Variants in C8orf34 observed in about 807,000 individuals in gnomAD.
C8orf34 encodes chromosome 8 open reading frame 34.
A neutral mutation model predicts 68.3 loss-of-function variants in C8orf34; 65 were observed. The ratio of observed to expected loss-of-function variants is 0.95; its 90% CI spans 0.78 to 1.17. The LOEUF (loss-of-function observed/expected upper bound fraction) is 1.17, where lower values mean the gene tolerates loss of function less well. C8orf34 is among the 50% of genes most tolerant of loss of function. The probability of loss-of-function intolerance (pLI) is 0.00; values close to 1 mark genes in which losing one functional copy is unlikely to be tolerated. For synonymous variants in C8orf34, 244 were observed against 241.2 expected (o/e 1.01, Z -0.11); for missense variants, 664 against 655.4 (o/e 1.01, Z -0.14).
chr8:68,716,781 C>T (rs934491037), intron 9 of C8orf34, among the ~76,000 whole-genome samples: 1 of 151,824 alleles, frequency 6.6e-6, no homozygotes. Context: ...TAGGTAAATG[C>T]CTTAGAGAAA....
intron 1 of C8orf34, among the ~76,000 whole-genome samples, chr8:68,408,435 C>A (rs1279764101): frequency 1.3e-5 from 2 of 152,074 alleles, no homozygotes; most frequent in Non-Finnish European, 2.9e-5. Flanking sequence ...TTGTCTTCTG[C>A]AAAACTGCTC....
intron 1 of C8orf34, among the ~76,000 whole-genome samples, chr8:68,417,576 C>T (rs1204306182): frequency 6.6e-6 from 1 of 151,866 alleles, no homozygotes; most frequent in Non-Finnish European, 1.5e-5. Context: ...AAATAAGAAC[C>T]TATATTATTC....
chr8:68,622,557 T>C (rs1196887024), intron 7 of C8orf34, among the ~76,000 whole-genome samples: 1 of 152,176 alleles, frequency 6.6e-6, no homozygotes, highest in Non-Finnish European at 1.5e-5. Flanking sequence ...GGCAATGAGC[T>C]TGAGACTTTC....
chr8:68,376,443 G>T (rs547818849), intron 1 of C8orf34, among the ~76,000 whole-genome samples: 202 of 152,182 alleles, frequency 1.3e-3, no homozygotes, highest in Non-Finnish European at 2.4e-3. Context: ...AATTGAAATG[G>T]GAATAAGATT....
intron 8 of C8orf34, among the ~76,000 whole-genome samples, chr8:68,665,731 C>T (rs1455841976): frequency 6.6e-6 from 1 of 152,198 alleles, no homozygotes; most frequent in Non-Finnish European, 1.5e-5. Context: ...TCCTTCATTT[C>T]AAGTGTCACC....
intron 8 of C8orf34, among the ~76,000 whole-genome samples, chr8:68,655,724 A>G (rs1262846226): frequency 6.6e-6 from 1 of 152,142 alleles, no homozygotes; most frequent in Non-Finnish European, 1.5e-5. Flanking sequence ...ACGATGGGTT[A>G]ATAGGTATGT....
chr8:68,649,659 TCCTTAA>T (rs1819284516), intron 8 of C8orf34, among the ~76,000 whole-genome samples: 1 of 152,222 alleles, frequency 6.6e-6, no homozygotes, highest in Non-Finnish European at 1.5e-5. Context: ...TGCAAAATTC[TCCTTAA>T]CCTCACTCCT....
At chr8:68,679,096 C>G (rs527458151) in intron 8 of C8orf34, among the ~76,000 whole-genome samples, 2 of 151,512 alleles carry the variant, frequency 1.3e-5, no homozygotes, top group African/African-American at 4.8e-5. Context: ...GTCAGGAGAT[C>G]GAAACACAGT....
intron 12 of C8orf34, among the ~76,000 whole-genome samples, chr8:68,795,092 T>A (rs1433719358): frequency 6.6e-6 from 1 of 152,210 alleles, no homozygotes; most frequent in African/African-American, 2.4e-5. Flanking sequence ...AAATCTGCTG[T>A]TGAGCCCTTC....
chr8:68,762,319 G>A (rs1039246736), intron 10 of C8orf34, among the ~76,000 whole-genome samples: 6 of 151,910 alleles, frequency 3.9e-5, no homozygotes, highest in South Asian at 2.1e-4. Context: ...TAACTAACTG[G>A]CAGTGACCAT....
rs537986598 is a variant in C8orf34, at chr8:68,443,746, A to G, written c.476-2583A>G. Among the ~76,000 whole-genome samples the G allele has an allele frequency of 1.7e-3, 266 of 152,168 alleles. 2 individuals carry two copies. Among genetic ancestry groups the G allele is most frequent in the African/African-American group, 6.1e-3 (255 of 41,530 alleles). ...TTAGCCAGAAAACGTCTCAATATTC[A>G]AAGTACATGGGTATCATACTTTTCA... On this transcript the variant is annotated intron_variant, in intron 2 of 13. Coordinates refer to ENST00000518698, the MANE Select transcript of C8orf34 (RefSeq NM_052958.4).
rs563584028 is a variant in C8orf34, at chr8:68,762,759, C to G, written c.1405-13640C>G. On this transcript the variant is annotated intron_variant, in intron 10 of 13. Coordinates refer to ENST00000518698, the MANE Select transcript of C8orf34 (RefSeq NM_052958.4). ...ATGTGGTTTGGCCTTCTCAGGGTCTCAAAGTAAGCTTTGTTCTGTAAGGCA... is the reference window on the plus strand; with the variant it reads ...ATGTGGTTTGGCCTTCTCAGGGTCTGAAAGTAAGCTTTGTTCTGTAAGGCA... 2.5e-4 allele frequency among the ~76,000 whole-genome samples: 38 copies of G among 152,268 alleles called. No individual in the cohort carries two copies. In the South Asian group the frequency reaches 6.4e-3, roughly 26 times the overall value.
At chr8:68,506,727 G>A (rs1814040252) in intron 5 of C8orf34, among the ~76,000 whole-genome samples, 1 of 152,066 alleles carries the variant, frequency 6.6e-6, no homozygotes, top group Non-Finnish European at 1.5e-5. Flanking sequence ...TGGTATTGAC[G>A]CTTTGTTTTA....
At chr8:68,544,764 C>A (rs1451623754) in intron 7 of C8orf34, among the ~76,000 whole-genome samples, 1 of 151,948 alleles carries the variant, frequency 6.6e-6, no homozygotes, top group Non-Finnish European at 1.5e-5. Context: ...ATTTTAAAAA[C>A]CATTTTGTAA....
chr8:68,620,678 A>C (rs75185969), intron 7 of C8orf34, among the ~76,000 whole-genome samples: 2 of 150,052 alleles, frequency 1.3e-5, no homozygotes, highest in Non-Finnish European at 3.0e-5. Flanking sequence ...AAAAAAAAAG[A>C]CTAAGTTTAC....
chr8:68,456,089 C>CAA (rs544998502), intron 3 of C8orf34, among the ~76,000 whole-genome samples: 26 of 118,694 alleles, frequency 2.2e-4, no homozygotes, highest in African/African-American at 6.9e-4. Context: ...ACTAAAAATC[C>CAA]AAAAAAAAAA....
chr8:68,672,460 A>T (rs1184214385), intron 8 of C8orf34, among the ~76,000 whole-genome samples: 1 of 152,138 alleles, frequency 6.6e-6, no homozygotes, highest in Non-Finnish European at 1.5e-5. Flanking sequence ...GGGCTTAGGG[A>T]GGGAGAACTC....
intron 12 of C8orf34, among the ~76,000 whole-genome samples, chr8:68,813,057 A>G (rs538637883): frequency 6.6e-6 from 1 of 152,256 alleles, no homozygotes; most frequent in Middle Eastern, 3.4e-3. Flanking sequence ...GCCTTAGGTG[A>G]TTTGTTTTGC....
chr8:68,753,820 A>G (rs1315160376), intron 10 of C8orf34, among the ~76,000 whole-genome samples: 2 of 152,188 alleles, frequency 1.3e-5, no homozygotes, highest in Non-Finnish European at 2.9e-5. Flanking sequence ...AACATCCTCC[A>G]TATTGTTGAA....
Sources: gnomAD v4.1 joint callset for allele counts (sites outside exome capture counted in the v4.1 genomes callset) on GRCh38, gnomAD v4.1.1 for gene constraint, MANE v1.5 for transcripts, NCBI Gene and HGNC (gene_info 2026-07-23, HGNC 2026-07-21) for gene names.